Variants in CSF2RA observed in about 807,000 individuals in gnomAD.
CSF2RA encodes granulocyte-macrophage colony-stimulating factor receptor subunit alpha.
Under a neutral mutation model 51.6 loss-of-function variants are expected in CSF2RA, and 42 were observed. The observed-to-expected ratio is 0.81, with a 90% CI of 0.64 to 1.05. The LOEUF is 1.05. Ranked by LOEUF, CSF2RA falls within the 50% of genes least tolerant of loss-of-function variation. The pLI, the probability that CSF2RA is intolerant of heterozygous loss-of-function variation, is 0.00. For synonymous variants in CSF2RA, 222 were observed against 193.0 expected (o/e 1.15, Z -1.24); for missense variants, 530 against 501.1 (o/e 1.06, Z -0.55).
chrX:1,269,641 A>AAG (rs1569486165), intron 1 of CSF2RA, among the ~76,000 whole-genome samples: 32 of 77,276 alleles, frequency 4.1e-4, no homozygotes, highest in African/African-American at 1.2e-3. Context: ...GAAAAAGAAA[A>AAG]AAAAAGAGAT....
At chrX:1,271,454 A>C (rs1398122578) in intron 1 of CSF2RA, among the ~76,000 whole-genome samples, 5 of 144,988 alleles carry the variant, frequency 3.4e-5, no homozygotes, top group East Asian at 2.1e-4. Flanking sequence ...ATTCTCCTGC[A>C]TTAGCCTCCT....
chrX:1,296,098 C>A (rs2091925211), intron 9 of CSF2RA, among the ~76,000 whole-genome samples: 1 of 151,488 alleles, frequency 6.6e-6, no homozygotes, highest in African/African-American at 2.4e-5. Context: ...CCTACAATCC[C>A]CTACTCACCA....
chrX:1,290,838 G>C (rs1401514047), intron 7 of CSF2RA, among the ~76,000 whole-genome samples: 1 of 152,092 alleles, frequency 6.6e-6, no homozygotes, highest in African/African-American at 2.4e-5. Context: ...TCCAGCTTGA[G>C]CGACAGAGCA....
At chrX:1,315,127 G>T (rs73624857), downstream of CSF2RA, among the ~76,000 whole-genome samples, 2 of 151,882 alleles carry the variant, frequency 1.3e-5, no homozygotes, top group African/African-American at 4.8e-5. Flanking sequence ...ACTGTGGGGG[G>T]GAGGGTCATC....
At chrX:1,279,976 G>C (rs1376349808) in intron 2 of CSF2RA, among the ~76,000 whole-genome samples, 8 of 151,876 alleles carry the variant, frequency 5.3e-5, no homozygotes, top group African/African-American at 7.2e-5. Flanking sequence ...TTCTAGTATA[G>C]ATGAGGTTTC....
At chrX:1,278,698 A>T (rs28859341) in intron 2 of CSF2RA, among the ~76,000 whole-genome samples, 118,135 of 147,332 alleles carry the variant, frequency 0.8, 48,473 homozygotes, top group African/African-American at 0.95. Flanking sequence ...AAAAAAAAAA[A>T]TTCAGGGCAA....
intron 9 of CSF2RA, among the ~76,000 whole-genome samples, chrX:1,299,525 G>A (rs2092232988): frequency 6.6e-6 from 1 of 152,052 alleles, no homozygotes; most frequent in Non-Finnish European, 1.5e-5. Context: ...CCCAGCGATT[G>A]TCCTGCCTCA....
In CSF2RA at chrX:1,303,385, A is replaced by G. The variant is rs562193815; in HGVS notation, c.947-538A>G. 582 of 434,086 alleles carry G rather than the reference A, an allele frequency of 1.3e-3. 3 individuals carry two copies. Among genetic ancestry groups the G allele is most frequent in the African/African-American group, 0.011 (537 of 49,220 alleles). 26.9% of individuals were successfully genotyped at this position (434,086 alleles called of 1,614,324 possible). On this transcript the variant is annotated intron_variant, in intron 10 of 12. Coordinates refer to ENST00000381529, the MANE Select transcript of CSF2RA (RefSeq NM_172245.4). ...CAGGTAGATAGGATTACAGGCACCC[A>G]CCACCATGCCTGGCTAATTTTGTAT...
At chrX:1,297,090 G>T (rs1298227956) in intron 9 of CSF2RA, among the ~76,000 whole-genome samples, 1 of 61,630 alleles carries the variant, frequency 1.6e-5, no homozygotes. Flanking sequence ...ACCCCTGGCG[G>T]AACCCTACAG....
Position 1,300,556 on chromosome X carries a change from C to G in CSF2RA, c.876C>G (p.His292Gln). ...NFPSSEPRAKHSVKIRAADVR... is the reference protein window; with the variant it reads ...NFPSSEPRAKQSVKIRAADVR... ...CAAGCTCTGAGCCCAGAGCAAAACA[C>G]AGTGTGAAGATCAGAGCTGCAGACG... is the stretch of plus-strand genomic sequence containing the variant. Residue 292 changes from histidine (H) to glutamine (Q), a missense_variant, in exon 10 of 13, where the codon CAC becomes CAG. By Grantham distance (24) the His-to-Gln change is conservative. Transcript: ENST00000381529. The G allele has an allele frequency of 2.5e-6, 4 of 1,613,856 alleles. No homozygotes were observed. Among genetic ancestry groups the G allele is most frequent in the Non-Finnish European group, 3.4e-6 (4 of 1,179,822 alleles).
chrX:1,318,563 G>A, the CSF2RA span, among the ~76,000 whole-genome samples: 2 of 151,886 alleles, frequency 1.3e-5, no homozygotes, highest in Admixed American at 1.3e-4. Context: ...GCCGCCGATA[G>A]CCCCTCCTGA....
At chrX:1,285,694 T>G in intron 3 of CSF2RA, 84 bp from the exon 4 acceptor site, 1 of 1,338,688 alleles carries the variant, frequency 7.5e-7, no homozygotes, top group South Asian at 1.3e-5. Context: ...AAAGCCAGAC[T>G]CCGTCTCAAA....
At chrX:1,315,364 G>A (rs747993004), downstream of CSF2RA, among the ~76,000 whole-genome samples, 28 of 152,128 alleles carry the variant, frequency 1.8e-4, no homozygotes, top group African/African-American at 6.5e-4. Flanking sequence ...ATGATTGACT[G>A]ATAGATATTT....
intron 10 of CSF2RA, among the ~76,000 whole-genome samples, chrX:1,301,015 T>C (rs1256141692): frequency 9.2e-5 from 14 of 151,876 alleles, no homozygotes; most frequent in Non-Finnish European, 1.5e-5. Context: ...TAGCCCAGCA[T>C]TGTGGCAGGT....
chrX:1,305,148 G>A (rs1276284873), intron 11 of CSF2RA, among the ~76,000 whole-genome samples: 1 of 150,434 alleles, frequency 6.6e-6, no homozygotes, highest in Admixed American at 6.7e-5. Context: ...CAAGCACCAC[G>A]ATACTCAGCT....
At chrX:1,280,922 CCTCCTT>C (rs2089877717) in intron 2 of CSF2RA, among the ~76,000 whole-genome samples, 4 of 133,098 alleles carry the variant, frequency 3.0e-5, no homozygotes, top group East Asian at 2.5e-4. Context: ...TCCTCCTCCT[CCTCCTT>C]CTCCTCCTCC....
chrX:1,304,606 A>AC (rs2083357249), intron 11 of CSF2RA, among the ~76,000 whole-genome samples: 1 of 151,084 alleles, frequency 6.6e-6, no homozygotes, highest in African/African-American at 2.4e-5. Flanking sequence ...CCTTGATCCC[A>AC]CTAGCCTTGA....
At position 1,298,946 on chromosome X, in the gene CSF2RA, C is replaced by T. The variant is rs186074906; in HGVS notation, c.811-1545C>T. Among the ~76,000 whole-genome samples the T allele has an allele frequency of 2.1e-3, 319 of 152,058 alleles. 1 individual carries two copies. Among genetic ancestry groups the T allele is most frequent in the African/African-American group, 7.0e-3 (289 of 41,466 alleles). On this transcript the variant is annotated intron_variant, in intron 9 of 12. Transcript: ENST00000381529. ...ACATACAGTTGAACCACTCACAACC[C>T]TAGCGTCACCCTACAGTCTCCACGA...
At chrX:1,283,123 GTTCCTTCCTTCCTTCC>G (rs747822328) in intron 3 of CSF2RA, among the ~76,000 whole-genome samples, 5 of 94,696 alleles carry the variant, frequency 5.3e-5, no homozygotes, top group Admixed American at 1.2e-4. Context: ...TCGTTCCTTC[GTTCCTTCCTTCCTTCC>G]TTCCTTCCTT....
Sources: allele counts gnomAD v4.1 joint callset (sites outside exome capture counted in the v4.1 genomes callset), GRCh38; gene constraint gnomAD v4.1.1; transcripts MANE v1.5; gene names NCBI Gene and HGNC (gene_info 2026-07-23, HGNC 2026-07-21).